The following CA10 variants were observed in gnomAD, a reference collection of about 807,000 sequenced individuals.
CA10 encodes carbonic anhydrase-related protein 10.
A neutral mutation model predicts 44.2 loss-of-function variants in CA10; 14 were observed. The ratio of observed to expected loss-of-function variants is 0.32; its 90% CI spans 0.21 to 0.50. The LOEUF is 0.50. CA10 is among the 20% of genes least tolerant of loss of function. The pLI, the probability that CA10 is intolerant of heterozygous loss-of-function variation, is 0.99. For missense variants in CA10, 350 were observed against 409.7 expected, an observed-to-expected ratio of 0.85 and a Z score of 1.26; for synonymous variants, 159 against 141.6, an observed-to-expected ratio of 1.12 and a Z score of -0.87.
chr17:51,996,278 C>A (rs745673510), intron 2 of CA10, among the ~76,000 whole-genome samples: 17 of 151,852 alleles, frequency 1.1e-4, no homozygotes, highest in Non-Finnish European at 2.1e-4. Context: ...CACAATCATA[C>A]CCCTCTCCTC....
intron 2 of CA10, among the ~76,000 whole-genome samples, chr17:51,985,283 G>A (rs1984793524): frequency 6.6e-6 from 1 of 151,990 alleles, no homozygotes; most frequent in South Asian, 2.1e-4. Flanking sequence ...CATCTTAATA[G>A]ATGCAGAAAA....
At chr17:51,752,182 A>T (rs555954632) in intron 3 of CA10, among the ~76,000 whole-genome samples, 1 of 152,046 alleles carries the variant, frequency 6.6e-6, no homozygotes, top group Non-Finnish European at 1.5e-5. Context: ...TTGCACTTTA[A>T]TTTAAAAATA....
intron 4 of CA10, among the ~76,000 whole-genome samples, chr17:51,711,609 T>C (rs1004511769): frequency 1.3e-5 from 2 of 152,214 alleles, no homozygotes; most frequent in Non-Finnish European, 2.9e-5. Flanking sequence ...TCAAGTGTTT[T>C]CCTGAGGATA....
chr17:51,789,768 T>G (rs1252784379), intron 3 of CA10, among the ~76,000 whole-genome samples: 1 of 152,188 alleles, frequency 6.6e-6, no homozygotes, highest in African/African-American at 2.4e-5. Context: ...ACTTAGAAAC[T>G]CATTTTCCAT....
intron 2 of CA10, among the ~76,000 whole-genome samples, chr17:51,986,941 C>A: frequency 6.6e-6 from 1 of 151,944 alleles, no homozygotes. Context: ...CTATGGAAAA[C>A]TGTGGAGATT....
intron 3 of CA10, among the ~76,000 whole-genome samples, chr17:51,799,879 T>C (rs1298501845): frequency 6.6e-6 from 1 of 152,174 alleles, no homozygotes; most frequent in South Asian, 2.1e-4. Flanking sequence ...TTGATGAGGA[T>C]GCGGAGAAAC....
chr17:51,919,510 G>GT (rs976102690), intron 3 of CA10, among the ~76,000 whole-genome samples: 1 of 146,138 alleles, frequency 6.8e-6, no homozygotes, highest in Admixed American at 6.6e-5. Context: ...CTTAGCTCAT[G>GT]TTTTTTTCTT....
rs1385430075 is a variant in CA10 at position 52,071,343 on chromosome 17, G to A, written c.136+976C>T. Among the ~76,000 whole-genome samples the A allele has an allele frequency of 2.6e-5, 4 of 152,154 alleles. 1 individual carries two copies. The South Asian group carries it at 6.2e-4, about 24-fold the overall frequency. ...CTTTCCTCCAACTGCAAAGCCTCAC[G>A]AGTACTTATAATTGCCCCATCATAC... On this transcript the variant is annotated intron_variant, in intron 2 of 8. Transcript: ENST00000451037.
intron 6 of CA10, among the ~76,000 whole-genome samples, chr17:51,636,833 T>C (rs537540024): frequency 1.3e-5 from 2 of 149,934 alleles, no homozygotes; most frequent in Admixed American, 1.3e-4. Flanking sequence ...CTCTCAGGTC[T>C]ATGCAGATAG....
intron 2 of CA10, among the ~76,000 whole-genome samples, chr17:52,003,259 C>T (rs1374284763): frequency 2.0e-5 from 3 of 151,880 alleles, no homozygotes; most frequent in African/African-American, 7.2e-5. Flanking sequence ...TCCTGGAAGT[C>T]TTCCCTCACC....
chr17:51,654,727 T>G (rs1188419011), intron 4 of CA10, among the ~76,000 whole-genome samples: 11 of 152,094 alleles, frequency 7.2e-5, no homozygotes, highest in Non-Finnish European at 1.5e-5. Flanking sequence ...AGGCTAATTT[T>G]TTGTATTTTT....
chr17:51,971,934 A>G (rs1268108431), intron 2 of CA10, among the ~76,000 whole-genome samples: 1 of 152,042 alleles, frequency 6.6e-6, no homozygotes, highest in Non-Finnish European at 1.5e-5. Flanking sequence ...TATTCTACCA[A>G]CCAACATTTA....
At chr17:51,867,674 T>G (rs1345341551) in intron 3 of CA10, among the ~76,000 whole-genome samples, 1 of 152,192 alleles carries the variant, frequency 6.6e-6, no homozygotes, top group African/African-American at 2.4e-5. Context: ...CAATTCCAGT[T>G]CCTGGAAGGC....
At chr17:51,635,756 G>T in intron 7 of CA10, 99 bp downstream of exon 7, 1 of 896,772 alleles carries the variant, frequency 1.1e-6, no homozygotes, top group Non-Finnish European at 1.6e-6. Flanking sequence ...CTTTGTTATA[G>T]TGGTCCTAGT....
In CA10 at chr17:51,909,269, G is replaced by T. The variant is rs577714848; in HGVS notation, c.279+21721C>A. Among the ~76,000 whole-genome samples the T allele has an allele frequency of 2.6e-5, 4 of 152,206 alleles. No homozygotes were observed. The South Asian group carries it at 6.2e-4, about 24-fold the overall frequency. On this transcript the variant is annotated intron_variant, in intron 3 of 8. Coordinates refer to ENST00000451037, the MANE Select transcript of CA10 (RefSeq NM_020178.5). ...CCAAAGATGACTGGATGTCATCCCT[G>T]GTTCTGTAGAATTACACTGAAGGGG...
chr17:52,131,356 AT>A (rs1490418747), intron 1 of CA10, among the ~76,000 whole-genome samples: 1 of 152,238 alleles, frequency 6.6e-6, no homozygotes, highest in Non-Finnish European at 1.5e-5. Context: ...TGAAATTTAT[AT>A]TTCTCTTACA....
intron 4 of CA10, among the ~76,000 whole-genome samples, chr17:51,732,716 T>G (rs1206218893): frequency 6.6e-6 from 1 of 152,138 alleles, no homozygotes; most frequent in Admixed American, 6.5e-5. Context: ...GAAAACCAAA[T>G]TTCTTCTTTG....
At chr17:51,917,102 A>T (rs1982030532) in intron 3 of CA10, among the ~76,000 whole-genome samples, 1 of 152,138 alleles carries the variant, frequency 6.6e-6, no homozygotes, top group South Asian at 2.1e-4. Flanking sequence ...CTGTGTGCTG[A>T]TAAATCTCTA....
chr17:51,758,838 G>C (rs560549152), intron 3 of CA10, among the ~76,000 whole-genome samples: 1 of 152,270 alleles, frequency 6.6e-6, no homozygotes, highest in East Asian at 1.9e-4. Flanking sequence ...AAACCTTCGA[G>C]GTCAGCATGA....
Sources: allele counts gnomAD v4.1 joint callset (sites outside exome capture counted in the v4.1 genomes callset), GRCh38; gene constraint gnomAD v4.1.1; transcripts MANE v1.5; gene names NCBI Gene and HGNC (gene_info 2026-07-23, HGNC 2026-07-21).